The following ARHGAP26 variants were observed in gnomAD, a reference collection of about 807,000 sequenced individuals.
The protein encoded by ARHGAP26 is Rho GTPase activating protein 26.
ARHGAP26 carries 38 observed loss-of-function variants against 104.8 expected under a neutral mutation model. The ratio of observed to expected loss-of-function variants is 0.36; its 90% CI spans 0.28 to 0.48. The LOEUF is 0.48. Ranked by LOEUF, ARHGAP26 falls within the 20% of genes least tolerant of loss-of-function variation. The pLI is 0.99. For synonymous variants in ARHGAP26, 341 were observed against 340.0 expected (o/e 1.00, Z -0.03); for missense variants, 704 against 947.9 (o/e 0.74, Z 3.38).
At chr5:143,164,204 AG>A (rs1801640703) in intron 20 of ARHGAP26, among the ~76,000 whole-genome samples, 1 of 152,210 alleles carries the variant, frequency 6.6e-6, no homozygotes, top group African/African-American at 2.4e-5. Flanking sequence ...TATATGGAAA[AG>A]GAAAGTTTTG....
intron 18 of ARHGAP26, among the ~76,000 whole-genome samples, chr5:143,131,562 C>G (rs750793591): frequency 2.6e-5 from 4 of 152,218 alleles, no homozygotes; most frequent in Non-Finnish European, 5.9e-5. Context: ...TACTAGAAGA[C>G]ACTGTTAGGT....
At chr5:143,003,774 C>G (rs1282593700) in intron 11 of ARHGAP26, among the ~76,000 whole-genome samples, 1 of 151,998 alleles carries the variant, frequency 6.6e-6, no homozygotes, top group African/African-American at 2.4e-5. Flanking sequence ...TTAATACTCT[C>G]ATAAGTATTA....
intron 17 of ARHGAP26, among the ~76,000 whole-genome samples, chr5:143,064,615 G>A (rs1562357434): frequency 6.6e-6 from 1 of 152,076 alleles, no homozygotes; most frequent in Non-Finnish European, 1.5e-5. Flanking sequence ...ATTGCACAGA[G>A]CACAACGACA....
chr5:143,007,308 G>A (rs1250557824), intron 11 of ARHGAP26, among the ~76,000 whole-genome samples: 3 of 152,056 alleles, frequency 2.0e-5, no homozygotes, highest in African/African-American at 7.3e-5. Flanking sequence ...ACCCTGGCCA[G>A]TTCTCTCTGT....
intron 17 of ARHGAP26, among the ~76,000 whole-genome samples, chr5:143,120,151 G>C (rs946297977): frequency 2.6e-5 from 4 of 152,200 alleles, no homozygotes; most frequent in Non-Finnish European, 5.9e-5. Context: ...TTGTTGCCAA[G>C]TAGATGATTT....
chr5:143,215,271 C>T (rs926422122), intron 22 of ARHGAP26, among the ~76,000 whole-genome samples: 6 of 152,194 alleles, frequency 3.9e-5, no homozygotes, highest in African/African-American at 1.4e-4. Flanking sequence ...AAGGTCTGTC[C>T]TCTAAGTCCC....
At chr5:142,906,957 C>G (rs1213514019) in intron 8 of ARHGAP26, among the ~76,000 whole-genome samples, 1 of 152,078 alleles carries the variant, frequency 6.6e-6, no homozygotes, top group African/African-American at 2.4e-5. Flanking sequence ...TGCAGGCTGA[C>G]TAATGCCTTC....
Position 143,222,604 on chromosome 5 carries a change from C to A in ARHGAP26, c.*158C>A. The stretch of plus-strand genomic sequence containing the variant: ...TGTTTCTGTGAGCTCTGGTGTCACT[C>A]ATCTCCATGATCATCTCAGCCAACA... On this transcript the variant is annotated 3_prime_UTR_variant, in exon 23 of 23. Coordinates refer to ENST00000645722, the MANE Select transcript of ARHGAP26 (RefSeq NM_001135608.3). The A allele has an allele frequency of 4.0e-6, 2 of 501,004 alleles. No homozygotes were observed. Among genetic ancestry groups the A allele is most frequent in the Non-Finnish European group, 7.0e-6 (2 of 287,338 alleles). The allele number at this position is 501,004 out of a possible 1,614,324, so 31.0% of individuals were successfully genotyped here. A position where few individuals can be genotyped will look rare whatever the true frequency, so the allele number is the denominator to read the frequency against.
At chr5:142,921,740 G>C (rs1763221079) in intron 10 of ARHGAP26, 1 of 156,520 alleles carries the variant, frequency 6.4e-6, no homozygotes, top group South Asian at 2.1e-4. Context: ...GTGACTCTGG[G>C]TAAGTGGTTT....
At chr5:143,222,334 G>T (rs541646685) in intron 22 of ARHGAP26, 24 bp from the exon 23 acceptor site, 3 of 1,514,710 alleles carry the variant, frequency 2.0e-6, no homozygotes, top group Non-Finnish European at 2.7e-6. Flanking sequence ...ATCTCTTCTC[G>T]CTTTCTCTCC....
intron 21 of ARHGAP26, among the ~76,000 whole-genome samples, chr5:143,212,612 C>T (rs1305847537): frequency 1.3e-5 from 2 of 152,210 alleles, no homozygotes; most frequent in South Asian, 2.1e-4. Flanking sequence ...TGTTTTCCCA[C>T]CTGGCCATCA....
intron 14 of ARHGAP26, among the ~76,000 whole-genome samples, chr5:143,050,237 G>A (rs1784811571): frequency 6.6e-6 from 1 of 152,176 alleles, no homozygotes; most frequent in South Asian, 2.1e-4. Context: ...AATTTTCTGT[G>A]CTGTTAAAAA....
chr5:143,027,061 A>G (rs561897996), intron 12 of ARHGAP26, among the ~76,000 whole-genome samples: 1 of 152,238 alleles, frequency 6.6e-6, no homozygotes, highest in South Asian at 2.1e-4. Flanking sequence ...CAGGTAGAAT[A>G]TGGTCCTCTC....
rs1755274578 is a variant in ARHGAP26, at chr5:142,871,357, G to A, written c.155-2043G>A. Among the ~76,000 whole-genome samples the A allele has an allele frequency of 6.6e-6, 1 of 152,208 alleles. No individual in the cohort carries two copies. Among genetic ancestry groups the A allele is most frequent in the Non-Finnish European group, 1.5e-5 (1 of 68,044 alleles). ...CTGCCCTTGGCAGTGCGGCTTTTCA[G>A]GTGTGTGCTGGGAGCTTTCCCGAGC... On this transcript the variant is annotated intron_variant, in intron 1 of 22. Transcript: ENST00000645722. The surrounding 1 kb of genome is among the most constrained non-coding windows in gnomAD (Gnocchi z 4.1).
intron 18 of ARHGAP26, among the ~76,000 whole-genome samples, chr5:143,121,991 C>G (rs1357660126): frequency 6.6e-6 from 1 of 152,184 alleles, no homozygotes; most frequent in Non-Finnish European, 1.5e-5. Flanking sequence ...AGAATCTGAC[C>G]ATGCCTCACC....
rs553999776 is a variant in ARHGAP26 at position 143,120,210 on chromosome 5, C to G, written c.1539-778C>G. ...GCAAGTGAACAATCGAGTTTTATAG[C>G]TAGGTCCTGGTGGCCTGGGTATGGA... On this transcript the variant is annotated intron_variant, in intron 17 of 22. Coordinates refer to ENST00000645722, the MANE Select transcript of ARHGAP26 (RefSeq NM_001135608.3). 3.6e-4 allele frequency among the ~76,000 whole-genome samples: 55 copies of G among 152,338 alleles called. No homozygotes were observed. The East Asian group carries it at 9.8e-3, about 27-fold the overall frequency.
intron 18 of ARHGAP26, 25 bp from the exon 19 acceptor site, chr5:143,133,942 C>T: frequency 6.3e-7 from 1 of 1,596,142 alleles, no homozygotes; most frequent in Non-Finnish European, 8.6e-7. Context: ...ATGTGAGTAA[C>T]CTTGTTGTGA....
chr5:143,115,842 A>C (rs1331008335), intron 17 of ARHGAP26, among the ~76,000 whole-genome samples: 2 of 152,230 alleles, frequency 1.3e-5, no homozygotes, highest in African/African-American at 4.8e-5. Context: ...TGTCTGTCTT[A>C]TTCCAACTAC....
rs1759798486 is a variant in ARHGAP26 at position 142,898,455 on chromosome 5, AT to A, written c.598-3479del. Among the ~76,000 whole-genome samples the A allele has an allele frequency of 2.6e-5, 4 of 152,182 alleles. No homozygotes were observed. The East Asian group carries it at 7.7e-4, about 29-fold the overall frequency. On this transcript the variant is annotated intron_variant, in intron 6 of 22. Transcript: ENST00000645722. ...TAGGCCTGCATCCTCCGAGTTTTCC[AT>A]CCTGAATATTTCTTGGTGCAGTGTC...
Sources: gnomAD v4.1 joint callset for allele counts (sites outside exome capture counted in the v4.1 genomes callset) on GRCh38, gnomAD v4.1.1 for gene constraint, Gnocchi (gnomAD v3.1) non-coding constraint, MANE v1.5 for transcripts, NCBI Gene and HGNC (gene_info 2026-07-23, HGNC 2026-07-21) for gene names.